Variants in ASB18 observed in about 807,000 individuals in gnomAD.
ASB18 encodes ankyrin repeat and SOCS box containing 18.
ASB18 carries 33 observed loss-of-function variants against 33.4 expected under a neutral mutation model. The ratio of observed to expected loss-of-function variants is 0.99; its 90% CI spans 0.75 to 1.32. The LOEUF (loss-of-function observed/expected upper bound fraction) is 1.32, where lower values mean the gene tolerates loss of function less well. Ranked by LOEUF, ASB18 falls within the 40% of genes most tolerant of loss-of-function variation. The pLI is 0.00. For missense variants in ASB18, 694 were observed against 655.5 expected, an observed-to-expected ratio of 1.06 and a Z score of -0.64; for synonymous variants, 295 against 307.6, an observed-to-expected ratio of 0.96 and a Z score of 0.43.
chr2:236,198,281 C>T (rs896344776), intron 4 of ASB18, among the ~76,000 whole-genome samples: 1 of 152,116 alleles, frequency 6.6e-6, no homozygotes, highest in Non-Finnish European at 1.5e-5. Context: ...ATATATATGA[C>T]AACAATGGGT....
At position 236,262,416 on chromosome 2, in the gene ASB18, G is replaced by C. The variant is rs1248477172; in HGVS notation, c.205+1725C>G. ...CCTGATAGGGCTGGAGGAGGGGCAG[G>C]AGCTGCTGGGCAGGAGCCAAGCCTT... On this transcript the variant is annotated intron_variant, in intron 1 of 5. Coordinates refer to ENST00000409749, the MANE Select transcript of ASB18 (RefSeq NM_212556.4). This position sits in a 1 kb window ranked among gnomAD's most constrained non-coding sequence, Gnocchi z 5.2. Among the ~76,000 whole-genome samples, 1 of 152,184 alleles carries C rather than the reference G, an allele frequency of 6.6e-6. No homozygotes were observed. The highest frequency in any genetic ancestry group is 1.5e-5 in the Non-Finnish European group (1 of 68,032).
chr2:236,250,660 G>A lies in ASB18; in HGVS notation c.206-9258C>T, dbSNP rs1182711145. 6.6e-6 allele frequency: 1 copy of A among 152,146 alleles called. No homozygotes were observed. Among genetic ancestry groups the A allele is most frequent in the Non-Finnish European group, 1.5e-5 (1 of 68,040 alleles). 9.4% of individuals were successfully genotyped at this position (152,146 alleles called of 1,614,324 possible). A position where few individuals can be genotyped will look rare whatever the true frequency, so the allele number is the denominator to read the frequency against. ...CAGCAGCCCCAGGCCTTCCAGTGGA[G>A]TTACTTTCACACCCTCTTCTGGTCT... On this transcript the variant is annotated intron_variant, in intron 1 of 5. Coordinates refer to ENST00000409749, the MANE Select transcript of ASB18 (RefSeq NM_212556.4). This position sits in a 1 kb window ranked among gnomAD's most constrained non-coding sequence, Gnocchi z 4.1.
rs1347952463 is a variant in ASB18 at position 236,222,332 on chromosome 2, G to A, written c.597-7466C>T. On this transcript the variant is annotated intron_variant, in intron 3 of 5. Coordinates refer to ENST00000409749, the MANE Select transcript of ASB18 (RefSeq NM_212556.4). The surrounding 1 kb of genome is among the most constrained non-coding windows in gnomAD (Gnocchi z 5.5). ...TCCTTCAGGGTAGGAGGGCGACTGA[G>A]AAGAGAAACTGGTTGGCCATTTCTA... 1.3e-5 allele frequency among the ~76,000 whole-genome samples: 2 copies of A among 152,318 alleles called. No homozygotes were observed. Among genetic ancestry groups the A allele is most frequent in the Admixed American group, 6.5e-5 (1 of 15,296 alleles).
rs2060662563 is a variant in ASB18, at chr2:236,250,080, T to TA, written c.206-8679dup. 1 of 152,188 alleles carries TA rather than the reference T, an allele frequency of 6.6e-6. No individual in the cohort carries two copies. The highest frequency in any genetic ancestry group is 2.1e-4 in the South Asian group (1 of 4,828). 9.4% of individuals were successfully genotyped at this position (152,188 alleles called of 1,614,324 possible). A position where few individuals can be genotyped will look rare whatever the true frequency, so the allele number is the denominator to read the frequency against. On this transcript the variant is annotated intron_variant, in intron 1 of 5. Transcript: ENST00000409749. This position sits in a 1 kb window ranked among gnomAD's most constrained non-coding sequence, Gnocchi z 4.1. ...TCTGGATCAAATGAGATGAAAAGGG[T>TA]AAAATCCACCTTGAAATTATAATGG...
rs2060712674 is a variant in ASB18, at chr2:236,260,452, G to C, written c.205+3689C>G. Among the ~76,000 whole-genome samples, 1 of 152,148 alleles carries C rather than the reference G, an allele frequency of 6.6e-6. No individual in the cohort carries two copies. Among genetic ancestry groups the C allele is most frequent in the Non-Finnish European group, 1.5e-5 (1 of 68,030 alleles). ...GTCATTGCCATAAGTTTTGACCACT[G>C]TTCAAAAATTGTAAAGACCCTACAT... On this transcript the variant is annotated intron_variant, in intron 1 of 5. Transcript: ENST00000409749. The surrounding 1 kb of genome is among the most constrained non-coding windows in gnomAD (Gnocchi z 5.1).
In ASB18 at chr2:236,196,387, T is replaced by A. The variant is rs1485209953; in HGVS notation, c.1102-2A>T. 1 of 1,540,512 alleles carries A rather than the reference T, an allele frequency of 6.5e-7. No homozygotes were observed. The highest frequency in any genetic ancestry group is 1.2e-5 in the South Asian group (1 of 84,070). On this transcript the variant is annotated splice_acceptor_variant, in intron 4 of 5. Coordinates refer to ENST00000409749, the MANE Select transcript of ASB18 (RefSeq NM_212556.4). LOFTEE classifies it high-confidence loss of function. This position sits in a 1 kb window ranked among gnomAD's most constrained non-coding sequence, Gnocchi z 5.6. ...GACAGATGCACAGGTCTTCAGCACC[T>A]GGTGGGAAGAGGTGAAAGACGCAGC...
rs929266287 is a variant in ASB18 at position 236,252,365 on chromosome 2, A to G, written c.206-10963T>C. On this transcript the variant is annotated intron_variant, in intron 1 of 5. Transcript: ENST00000409749. This position sits in a 1 kb window ranked among gnomAD's most constrained non-coding sequence, Gnocchi z 7.9. ...ATTGAGTGGGAGGGCAGACGTGGCC[A>G]CCATCAACTAGCGGTGGAATCAGAT... 6.6e-6 allele frequency among the ~76,000 whole-genome samples: 1 copy of G among 151,734 alleles called. No individual in the cohort carries two copies. Among genetic ancestry groups the G allele is most frequent in the South Asian group, 2.1e-4 (1 of 4,804 alleles).
In ASB18 at chr2:236,222,670, CCA is replaced by C. The variant is rs766028451; in HGVS notation, c.597-7806_597-7805del. On this transcript the variant is annotated intron_variant, in intron 3 of 5. Coordinates refer to ENST00000409749, the MANE Select transcript of ASB18 (RefSeq NM_212556.4). The surrounding 1 kb of genome is among the most constrained non-coding windows in gnomAD (Gnocchi z 5.5). The stretch of plus-strand genomic sequence containing the variant: ...TAGGTCTCTCACGAATGGTTTAGTA[CCA>C]TCCCCTTGGTGCTTTCCTCACGATA... Among the ~76,000 whole-genome samples the C allele has an allele frequency of 5.3e-5, 8 of 152,094 alleles. No homozygotes were observed. Among genetic ancestry groups the C allele is most frequent in the Non-Finnish European group, 1.0e-4 (7 of 68,026 alleles).
rs553782328 is a variant in ASB18 at position 236,226,780 on chromosome 2, A to G, written c.596+10909T>C. On this transcript the variant is annotated intron_variant, in intron 3 of 5. Coordinates refer to ENST00000409749, the MANE Select transcript of ASB18 (RefSeq NM_212556.4). This position sits in a 1 kb window ranked among gnomAD's most constrained non-coding sequence, Gnocchi z 4.8. ...AAGCAATATTTTTCTGATCCTTTAA[A>G]GTGGGAGAGGAGTTGGGGCCCAAGG... Among the ~76,000 whole-genome samples the G allele has an allele frequency of 2.0e-5, 3 of 152,344 alleles. No homozygotes were observed. The highest frequency in any genetic ancestry group is 4.2e-4 in the South Asian group (2 of 4,818).
rs548147186 is a variant in ASB18, at chr2:236,220,742, C to T, written c.597-5876G>A. Among the ~76,000 whole-genome samples, 3 of 152,254 alleles carry T rather than the reference C, an allele frequency of 2.0e-5. No homozygotes were observed. Among genetic ancestry groups the T allele is most frequent in the African/African-American group, 7.2e-5 (3 of 41,544 alleles). ...GTCAGTCACACACCCCTCCACTGCCCCTTCCCACTGGTTTTATTTGTTAAG... is the reference window on the plus strand; with the variant it reads ...GTCAGTCACACACCCCTCCACTGCCTCTTCCCACTGGTTTTATTTGTTAAG... On this transcript the variant is annotated intron_variant, in intron 3 of 5. Transcript: ENST00000409749. The surrounding 1 kb of genome is among the most constrained non-coding windows in gnomAD (Gnocchi z 5.1).
rs971291171 is a variant in ASB18 at position 236,217,938 on chromosome 2, C to G, written c.597-3072G>C. ...AGCAGGACGTTAGAAATCAAGGGTT[C>G]CTTCTCGTTTTGCCACTGAGCCTGT... On this transcript the variant is annotated intron_variant, in intron 3 of 5. Transcript: ENST00000409749. This position sits in a 1 kb window ranked among gnomAD's most constrained non-coding sequence, Gnocchi z 5.2. Among the ~76,000 whole-genome samples, 3 of 152,196 alleles carry G rather than the reference C, an allele frequency of 2.0e-5. No homozygotes were observed. The highest frequency in any genetic ancestry group is 2.0e-4 in the Admixed American group (3 of 15,280).
At position 236,228,468 on chromosome 2, in the gene ASB18, A is replaced by G. The variant is rs555797383; in HGVS notation, c.596+9221T>C. 6.6e-6 allele frequency among the ~76,000 whole-genome samples: 1 copy of G among 152,314 alleles called. No homozygotes were observed. The highest frequency in any genetic ancestry group is 1.5e-5 in the Non-Finnish European group (1 of 68,034). ...AAGAACTTTGCAGAGGGCCCCCTTGATTATTCAGCTCAATACCAATTAGTG... is the reference window on the plus strand; with the variant it reads ...AAGAACTTTGCAGAGGGCCCCCTTGGTTATTCAGCTCAATACCAATTAGTG... On this transcript the variant is annotated intron_variant, in intron 3 of 5. Transcript: ENST00000409749. This position sits in a 1 kb window ranked among gnomAD's most constrained non-coding sequence, Gnocchi z 5.1.
intron 1 of ASB18, among the ~76,000 whole-genome samples, chr2:236,243,786 TTAAA>T (rs1344101281): frequency 2.6e-5 from 4 of 152,168 alleles, no homozygotes; most frequent in African/African-American, 9.7e-5. Flanking sequence ...TGTCAAAAAA[TTAAA>T]TAAGCTCATT....
In ASB18 at chr2:236,219,406, A is replaced by G. The variant is rs2060501173; in HGVS notation, c.597-4540T>C. Among the ~76,000 whole-genome samples the G allele has an allele frequency of 2.0e-5, 3 of 152,184 alleles. No individual in the cohort carries two copies. The highest frequency in any genetic ancestry group is 7.2e-5 in the African/African-American group (3 of 41,440). On this transcript the variant is annotated intron_variant, in intron 3 of 5. Coordinates refer to ENST00000409749, the MANE Select transcript of ASB18 (RefSeq NM_212556.4). This position sits in a 1 kb window ranked among gnomAD's most constrained non-coding sequence, Gnocchi z 6.4. ...TCCCTTTGGCTTTCCAGGTTCCCAG[A>G]ATACGCTTGAAATTTCCATCAATCT...
chr2:236,251,890 G>A lies in ASB18; in HGVS notation c.206-10488C>T, dbSNP rs2060670258. ...CCTCTCCCAGTTTGCAGGTGGGAGG[G>A]TAAATTGCTGTTCAGTTTGGAAATG... On this transcript the variant is annotated intron_variant, in intron 1 of 5. Coordinates refer to ENST00000409749, the MANE Select transcript of ASB18 (RefSeq NM_212556.4). This position sits in a 1 kb window ranked among gnomAD's most constrained non-coding sequence, Gnocchi z 5.3. Among the ~76,000 whole-genome samples the A allele has an allele frequency of 2.0e-5, 3 of 152,158 alleles. No homozygotes were observed.
chr2:236,204,175 C>T lies in ASB18; in HGVS notation c.1102-7790G>A, dbSNP rs181915113. 1.6e-3 allele frequency among the ~76,000 whole-genome samples: 240 copies of T among 152,298 alleles called. No homozygotes were observed. The highest frequency in any genetic ancestry group is 5.2e-3 in the Admixed American group (80 of 15,302). On this transcript the variant is annotated intron_variant, in intron 4 of 5. Transcript: ENST00000409749. This position sits in a 1 kb window ranked among gnomAD's most constrained non-coding sequence, Gnocchi z 5.1. ...CATCTACCTCAATGGGCCATTAGCC[C>T]CAGCCACTCCCCCATACTGTCCTTA...
rs1211105614 is a variant in ASB18, at chr2:236,216,162, C to T, written c.597-1296G>A. ...GTCTGCCGAGCCCTGTTGGAGGACG[C>T]AGCCTTCATGGAGCTGGCCTTGGTC... On this transcript the variant is annotated intron_variant, in intron 3 of 5. Coordinates refer to ENST00000409749, the MANE Select transcript of ASB18 (RefSeq NM_212556.4). This position sits in a 1 kb window ranked among gnomAD's most constrained non-coding sequence, Gnocchi z 6.1. Among the ~76,000 whole-genome samples the T allele has an allele frequency of 6.6e-6, 1 of 152,220 alleles. No individual in the cohort carries two copies.
rs1247945868 is a variant in ASB18, at chr2:236,256,612, C to T, written c.205+7529G>A. Among the ~76,000 whole-genome samples the T allele has an allele frequency of 6.6e-6, 1 of 152,192 alleles. No individual in the cohort carries two copies. The highest frequency in any genetic ancestry group is 2.4e-5 in the African/African-American group (1 of 41,438). On this transcript the variant is annotated intron_variant, in intron 1 of 5. Transcript: ENST00000409749. This position sits in a 1 kb window ranked among gnomAD's most constrained non-coding sequence, Gnocchi z 4.7. ...TGCTTTTTGTTCTTTCCAAACTCTC[C>T]AGTGTGCTTGGGGATGATGTTAATA...
rs1445191072 is a variant in ASB18 at position 236,248,429 on chromosome 2, C to A, written c.206-7027G>T. 1 of 152,044 alleles carries A rather than the reference C, an allele frequency of 6.6e-6. No individual in the cohort carries two copies. The highest frequency in any genetic ancestry group is 1.9e-4 in the East Asian group (1 of 5,160). The allele number at this position is 152,044 out of a possible 1,614,324, so 9.4% of individuals were successfully genotyped here. A position where few individuals can be genotyped will look rare whatever the true frequency, so the allele number is the denominator to read the frequency against. On this transcript the variant is annotated intron_variant, in intron 1 of 5. Transcript: ENST00000409749. This position sits in a 1 kb window ranked among gnomAD's most constrained non-coding sequence, Gnocchi z 4.9. ...CCAACATAGTGAAACCCTGTCTCTACTAAAAATACAAAAATTAGCTGGGCA... is the reference window on the plus strand; with the variant it reads ...CCAACATAGTGAAACCCTGTCTCTAATAAAAATACAAAAATTAGCTGGGCA...
Sources: gnomAD v4.1 joint callset for allele counts (sites outside exome capture counted in the v4.1 genomes callset) on GRCh38, gnomAD v4.1.1 for gene constraint, Gnocchi (gnomAD v3.1) non-coding constraint, MANE v1.5 for transcripts, NCBI Gene and HGNC (gene_info 2026-07-23, HGNC 2026-07-21) for gene names.